The following KCTD13 variants were observed in gnomAD, a reference collection of about 807,000 sequenced individuals.
KCTD13 encodes potassium channel tetramerization domain containing 13.
KCTD13 carries 15 observed loss-of-function variants against 32.3 expected under a neutral mutation model. That is an observed-to-expected ratio of 0.46 (90% confidence interval 0.31 to 0.71). The LOEUF (loss-of-function observed/expected upper bound fraction) is 0.71. Ranked by LOEUF, KCTD13 falls within the 30% of genes least tolerant of loss-of-function variation. KCTD13 has a pLI of 0.05. For missense variants in KCTD13, 337 were observed against 452.6 expected (o/e 0.74, Z 2.32); for synonymous variants, 189 against 200.1 (o/e 0.94, Z 0.47).
Position 29,911,843 on chromosome 16 carries a change from G to A in KCTD13, c.529C>T (p.Arg177Cys). ...GTGTAGGAGTACTTGTTGTTACTGCGGTTGTGCAGGAGCTTCACCACGGGC... is the reference window on the plus strand; with the variant it reads ...GTGTAGGAGTACTTGTTGTTACTGCAGTTGTGCAGGAGCTTCACCACGGGC... Reference protein sequence around the residue: ...SKPVVKLLHNRSNNKYSYTST... With the variant: ...SKPVVKLLHNCSNNKYSYTST... Residue 177 changes from arginine to cysteine, a missense_variant, in exon 4 of 6, where the codon CGC (arginine) becomes TGC (cysteine). Physicochemically the swap from Arg to Cys is radical, Grantham distance 180 (BLOSUM62 -3). Transcript: ENST00000568000. The A allele has an allele frequency of 4.3e-6, 7 of 1,612,672 alleles. No individual in the cohort carries two copies. The highest frequency in any genetic ancestry group is 5.1e-6 in the Non-Finnish European group (6 of 1,179,490).
chr16:29,910,887 G>A (rs763568925), intron 5 of KCTD13, 91 bp downstream of exon 5: 138 of 1,199,454 alleles, frequency 1.2e-4, no homozygotes, highest in Non-Finnish European at 1.5e-4. Context: ...CCTCCTGGTG[G>A]TGGGCTCCTT....
At chr16:29,924,908 G>A (rs932504910) in intron 1 of KCTD13, among the ~76,000 whole-genome samples, 3 of 152,150 alleles carry the variant, frequency 2.0e-5, no homozygotes, top group Non-Finnish European at 2.9e-5. Flanking sequence ...AGTAGAGACG[G>A]GGTTTCGCCA....
chr16:29,908,220 CCA>C (rs2068646686), intron 5 of KCTD13, among the ~76,000 whole-genome samples: 1 of 151,862 alleles, frequency 6.6e-6, no homozygotes, highest in African/African-American at 2.4e-5. Flanking sequence ...AGGAGTGCAC[CCA>C]GTGTCTTACT....
At chr16:29,910,275 G>A (rs1458628043) in intron 5 of KCTD13, among the ~76,000 whole-genome samples, 1 of 151,964 alleles carries the variant, frequency 6.6e-6, no homozygotes, top group Non-Finnish European at 1.5e-5. Context: ...GCACGTGCCT[G>A]TAGTCCTAGC....
At chr16:29,911,918 C>T (rs376279935) in intron 3 of KCTD13, 42 bp downstream of exon 3, 2 of 1,607,072 alleles carry the variant, frequency 1.2e-6, no homozygotes, top group Non-Finnish European at 1.7e-6. Flanking sequence ...AGGGAGAGGC[C>T]CCCCCAGTGA....
chr16:29,918,716 G>A (rs1394299662), intron 2 of KCTD13, among the ~76,000 whole-genome samples: 2 of 152,098 alleles, frequency 1.3e-5, no homozygotes, highest in Admixed American at 6.5e-5. Flanking sequence ...GAGTGCAGTG[G>A]CACGATCTCG....
chr16:29,918,559 C>T (rs113565760), intron 2 of KCTD13, among the ~76,000 whole-genome samples: 3 of 152,346 alleles, frequency 2.0e-5, no homozygotes, highest in African/African-American at 7.2e-5. Context: ...CAACCTCTGC[C>T]TCCCAGGTTC....
chr16:29,911,990 C>T lies in KCTD13; in HGVS notation c.474G>A (p.Glu158=). The T allele has an allele frequency of 6.2e-7, 1 of 1,611,668 alleles. No individual in the cohort carries two copies. Among genetic ancestry groups the T allele is most frequent in the African/African-American group, 1.3e-5 (1 of 74,934 alleles). The stretch of plus-strand genomic sequence containing the variant: ...AGGTGCTGGCCAGGAGCTGCTGCTC[C>T]TCCCGGGGAGATGTCACCATGGGGA... ...CLIPMVTSPR[E]EQQLLASTSK... The change falls in exon 3 of 6, where the codon GAG becomes GAA. Residue 158 remains glutamate, a synonymous_variant. Transcript: ENST00000568000.
At chr16:29,923,391 T>G (rs367968848) in intron 1 of KCTD13, 32 bp from the exon 2 acceptor site, 1 of 1,602,648 alleles carries the variant, frequency 6.2e-7, no homozygotes, top group Non-Finnish European at 8.5e-7. Context: ...GGGGGAAAGA[T>G]GGCTTTGCTG....
At position 29,906,953 on chromosome 16, in the gene KCTD13, G is replaced by A. The variant is rs199645186; in HGVS notation, c.909C>T (p.His303=). The A allele has an allele frequency of 1.2e-6, 2 of 1,614,150 alleles. No individual in the cohort carries two copies. The highest frequency in any genetic ancestry group is 2.2e-5 in the East Asian group (1 of 44,880). ...GRGEDEENRE[H]RVRRIHVRRH... ...GCCGGACATGGATCCTGCGGACACG[G>A]TGCTCTCGGTTCTCTTCATCCTCCC... Residue 303 remains histidine (H), a synonymous_variant, in exon 6 of 6, where the codon CAC becomes CAT. Transcript: ENST00000568000.
At chr16:29,909,513 T>A (rs779283955) in intron 5 of KCTD13, among the ~76,000 whole-genome samples, 1 of 152,138 alleles carries the variant, frequency 6.6e-6, no homozygotes, top group Non-Finnish European at 1.5e-5. Context: ...CAGCACTTCA[T>A]TCCCCTTGAT....
intron 2 of KCTD13, chr16:29,922,695 T>TTATTCAAA: frequency 3.9e-6 from 1 of 255,926 alleles, no homozygotes; most frequent in Non-Finnish European, 7.3e-6. Flanking sequence ...GAGATTTCAT[T>TTATTCAAA]TGAATAAAGA....
chr16:29,910,890 G>A, intron 5 of KCTD13, 88 bp downstream of exon 5: 1 of 1,241,794 alleles, frequency 8.1e-7, no homozygotes, highest in South Asian at 1.4e-5. Context: ...CCTGGTGGTG[G>A]GCTCCTTCCC....
chr16:29,911,866 G>C lies in KCTD13; in HGVS notation c.506C>G (p.Pro169Arg), dbSNP rs746432024. 11 of 1,612,142 alleles carry C rather than the reference G, an allele frequency of 6.8e-6. No homozygotes were observed. The highest frequency in any genetic ancestry group is 1.3e-5 in the African/African-American group (1 of 74,858). Residue 169 changes from proline to arginine, a missense_variant and splice_region_variant, in exon 4 of 6, where the codon CCC (proline) becomes CGC (arginine). Transcript: ENST00000568000. ...EQQLLASTSK[P>R]VVKLLHNRSN... ...GCGGTTGTGCAGGAGCTTCACCACG[G>C]GCTGGCGGGGGAGAGAGGATGGACG...
At position 29,925,982 on chromosome 16, in the gene KCTD13, C is replaced by T; in HGVS notation, c.52G>A (p.Ala18Thr). 1 of 1,606,864 alleles carries T rather than the reference C, an allele frequency of 6.2e-7. No individual in the cohort carries two copies. The highest frequency in any genetic ancestry group is 8.5e-7 in the Non-Finnish European group (1 of 1,176,074). Residue 18 changes from alanine (A) to threonine (T), a missense_variant, in exon 1 of 6, where the codon GCC becomes ACC. Transcript: ENST00000568000. ...PAAAAAPSLE[A>T]PKPSGLEPGP... is the part of the protein sequence containing the mutation. The stretch of plus-strand genomic sequence containing the variant: ...GGCTCGAGACCCGAGGGCTTGGGGG[C>T]TTCCAGGGACGGGGCCGCGGCGGCA...
At chr16:29,908,135 G>A (rs528667545) in intron 5 of KCTD13, among the ~76,000 whole-genome samples, 144 of 152,284 alleles carry the variant, frequency 9.5e-4, no homozygotes, top group Non-Finnish European at 1.9e-3. Context: ...CCAAAGGAGT[G>A]GGGGAGGGGA....
At chr16:29,912,634 T>G (rs1219066194) in intron 2 of KCTD13, among the ~76,000 whole-genome samples, 1 of 152,102 alleles carries the variant, frequency 6.6e-6, no homozygotes, top group African/African-American at 2.4e-5. Context: ...GAGACGAGGT[T>G]TCTCCATGTT....
chr16:29,921,729 G>A (rs1322798800), intron 2 of KCTD13: 2 of 152,148 alleles, frequency 1.3e-5, no homozygotes, highest in African/African-American at 4.8e-5. Flanking sequence ...CAGCACTTTG[G>A]GGGGCCAAGG....
At chr16:29,915,743 T>C (rs1286652645) in intron 2 of KCTD13, among the ~76,000 whole-genome samples, 1 of 152,228 alleles carries the variant, frequency 6.6e-6, no homozygotes, top group Non-Finnish European at 1.5e-5. Context: ...TTCATTCGAC[T>C]GGAAGTCCCC....
Sources: allele counts gnomAD v4.1 joint callset (sites outside exome capture counted in the v4.1 genomes callset), GRCh38; gene constraint gnomAD v4.1.1; transcripts MANE v1.5; gene names NCBI Gene and HGNC (gene_info 2026-07-23, HGNC 2026-07-21).